Variants in LSAMP observed in about 807,000 individuals in gnomAD.
LSAMP encodes the protein limbic system-associated membrane protein.
A neutral mutation model predicts 38.6 loss-of-function variants in LSAMP; 7 were observed. The ratio of observed to expected loss-of-function variants is 0.18; its 90% CI spans 0.10 to 0.34. The LOEUF is 0.34. LSAMP is among the 10% of genes least tolerant of loss of function. The probability of loss-of-function intolerance (pLI) is 1.00; values close to 1 mark genes in which losing one functional copy is unlikely to be tolerated. For synonymous variants in LSAMP, 154 were observed against 166.8 expected, an observed-to-expected ratio of 0.92 and a Z score of 0.59; for missense variants, 313 against 420.0, an observed-to-expected ratio of 0.75 and a Z score of 2.23.
chr3:116,433,469 A>G (rs573863171), intron 1 of LSAMP, among the ~76,000 whole-genome samples: 3 of 152,296 alleles, frequency 2.0e-5, no homozygotes, highest in African/African-American at 7.2e-5. Flanking sequence ...CTTGTACATT[A>G]GGGAAAGATA....
intron 3 of LSAMP, among the ~76,000 whole-genome samples, chr3:115,962,887 A>C (rs13075363): frequency 0.14 from 21,369 of 152,164 alleles, 1,672 homozygotes; most frequent in Non-Finnish European, 0.18. Flanking sequence ...TAATCAAAGG[A>C]AACAGTATCA....
chr3:116,408,825 CA>C (rs2048933395), intron 1 of LSAMP, among the ~76,000 whole-genome samples: 1 of 152,062 alleles, frequency 6.6e-6, no homozygotes, highest in Admixed American at 6.6e-5. Context: ...GTCAGATACA[CA>C]ATGACTATAA....
At chr3:116,049,336 A>G (rs1941349174) in intron 2 of LSAMP, among the ~76,000 whole-genome samples, 1 of 152,226 alleles carries the variant, frequency 6.6e-6, no homozygotes, top group Non-Finnish European at 1.5e-5. Flanking sequence ...CAAGCCATTC[A>G]TCTTCAGTAG....
At chr3:116,234,947 C>T in intron 1 of LSAMP, among the ~76,000 whole-genome samples, 1 of 152,054 alleles carries the variant, frequency 6.6e-6, no homozygotes, top group Non-Finnish European at 1.5e-5. Flanking sequence ...ACTAAAGGCA[C>T]TGAGAAGTCC....
chr3:115,819,261 C>T (rs1027214965), intron 6 of LSAMP, among the ~76,000 whole-genome samples: 4 of 152,032 alleles, frequency 2.6e-5, no homozygotes, highest in East Asian at 3.9e-4. Flanking sequence ...AGTGAAACCC[C>T]GTCTCTACTA....
At chr3:115,979,871 A>C (rs1216795405) in intron 3 of LSAMP, among the ~76,000 whole-genome samples, 1 of 152,118 alleles carries the variant, frequency 6.6e-6, no homozygotes, top group East Asian at 1.9e-4. Context: ...ACTAATTCTA[A>C]ATGGAAATAG....
At chr3:115,916,550 C>T (rs569746018) in intron 3 of LSAMP, among the ~76,000 whole-genome samples, 36 of 152,284 alleles carry the variant, frequency 2.4e-4, no homozygotes, top group African/African-American at 8.2e-4. Context: ...TTGTGGTAGT[C>T]ACCTTTACCT....
chr3:116,146,225 C>G (rs1709487138), intron 1 of LSAMP, among the ~76,000 whole-genome samples: 1 of 151,846 alleles, frequency 6.6e-6, no homozygotes, highest in South Asian at 2.1e-4. Flanking sequence ...CTGACTCCAC[C>G]CAAGTACCCT....
chr3:115,878,242 G>T (rs1452216862), intron 3 of LSAMP, among the ~76,000 whole-genome samples: 1 of 151,994 alleles, frequency 6.6e-6, no homozygotes, highest in Non-Finnish European at 1.5e-5. Context: ...CATCTAGAAA[G>T]ATGGAGACCA....
chr3:116,373,758 T>C (rs2048461537), intron 1 of LSAMP, among the ~76,000 whole-genome samples: 1 of 151,922 alleles, frequency 6.6e-6, no homozygotes, highest in African/African-American at 2.4e-5. Flanking sequence ...ATTTTATTTG[T>C]ATATTTAAGA....
intron 2 of LSAMP, among the ~76,000 whole-genome samples, chr3:116,066,997 T>C (rs1462136528): frequency 6.6e-6 from 1 of 152,184 alleles, no homozygotes. Flanking sequence ...TATTACTATT[T>C]AGAAAGAGAA....
In LSAMP at chr3:116,021,815, G is replaced by GT. The variant is rs571494192; in HGVS notation, c.389-2176dup. On this transcript the variant is annotated intron_variant, in intron 2 of 6. Transcript: ENST00000490035. ...TGACTCACAATCTCTCTCTCTCGGT[G>GT]TTTTTTTTTTAAATAAAAGGAGATA... Among the ~76,000 whole-genome samples the GT allele has an allele frequency of 5.5e-3, 820 of 148,408 alleles. 4 individuals are homozygous for GT. The highest frequency in any genetic ancestry group is 7.9e-3 in the Non-Finnish European group (531 of 66,858).
intron 1 of LSAMP, among the ~76,000 whole-genome samples, chr3:116,175,470 A>G (rs1219881036): frequency 6.6e-6 from 1 of 152,048 alleles, no homozygotes; most frequent in South Asian, 2.1e-4. Flanking sequence ...GGTATAGAAC[A>G]CTATAACTTA....
Position 116,084,209 on chromosome 3 carries a change from G to T in LSAMP, c.388+2115C>A, listed in dbSNP as rs190961796. Among the ~76,000 whole-genome samples, 3 of 152,118 alleles carry T rather than the reference G, an allele frequency of 2.0e-5. No individual in the cohort carries two copies. In the East Asian group the frequency reaches 5.8e-4, roughly 29 times the overall value. On this transcript the variant is annotated intron_variant, in intron 2 of 6. Coordinates refer to ENST00000490035, the MANE Select transcript of LSAMP (RefSeq NM_002338.5). ...AATTAAATGAGATAGTAGATAAACA[G>T]GACTTGGCACTTCTCCATCCCTTAA...
chr3:116,179,729 T>G (rs1391320099), intron 1 of LSAMP, among the ~76,000 whole-genome samples: 1 of 152,108 alleles, frequency 6.6e-6, no homozygotes, highest in Non-Finnish European at 1.5e-5. Flanking sequence ...GCCCCATGAT[T>G]GAATCAGCTC....
In LSAMP at chr3:115,810,277, T is replaced by A. The variant is rs754484890; in HGVS notation, c.*40A>T. 1 of 1,351,848 alleles carries A rather than the reference T, an allele frequency of 7.4e-7. No homozygotes were observed. The highest frequency in any genetic ancestry group is 1.3e-5 in the South Asian group (1 of 78,214). 83.7% of individuals were successfully genotyped at this position (1,351,848 alleles called of 1,614,324 possible). A position where few individuals can be genotyped will look rare whatever the true frequency, so the allele number is the denominator to read the frequency against. On this transcript the variant is annotated 3_prime_UTR_variant, in exon 7 of 7. Transcript: ENST00000490035. ...TCTCTCTGTATTCTGTGTGACGCAT[T>A]TTTGTGTGTTTTTTAAATTATTTTT...
chr3:116,257,530 A>G (rs1361281675), intron 1 of LSAMP, among the ~76,000 whole-genome samples: 2 of 152,210 alleles, frequency 1.3e-5, no homozygotes, highest in African/African-American at 2.4e-5. Flanking sequence ...GGATTATAGG[A>G]AACAATAATG....
intron 1 of LSAMP, among the ~76,000 whole-genome samples, chr3:116,356,101 A>T: frequency 6.6e-6 from 1 of 152,344 alleles, no homozygotes; most frequent in East Asian, 1.9e-4. Flanking sequence ...AAAGGAAATC[A>T]GTGTTTCATA....
At chr3:115,990,970 A>G (rs1375087017) in intron 3 of LSAMP, among the ~76,000 whole-genome samples, 1 of 152,094 alleles carries the variant, frequency 6.6e-6, no homozygotes, top group Non-Finnish European at 1.5e-5. Flanking sequence ...ATATTGTGCA[A>G]GGCCAATTAC....
Sources: allele counts gnomAD v4.1 joint callset (sites outside exome capture counted in the v4.1 genomes callset), GRCh38; gene constraint gnomAD v4.1.1; transcripts MANE v1.5; gene names NCBI Gene and HGNC (gene_info 2026-07-23, HGNC 2026-07-21).